The following NR3C1 variants were observed in gnomAD, a reference collection of about 807,000 sequenced individuals.
NR3C1 encodes the protein nuclear receptor subfamily 3 group C member 1, also known as glucocorticoid receptor.
NR3C1 carries 14 observed loss-of-function variants against 74.0 expected under a neutral mutation model. The ratio of observed to expected loss-of-function variants is 0.19; its 90% CI spans 0.12 to 0.30. The LOEUF is 0.30. Ranked by LOEUF, NR3C1 falls within the 10% of genes least tolerant of loss-of-function variation. The pLI is 1.00. For missense variants in NR3C1, 695 were observed against 909.8 expected (o/e 0.76, Z 3.04); for synonymous variants, 308 against 332.5 (o/e 0.93, Z 0.80).
intron 1 of NR3C1, among the ~76,000 whole-genome samples, chr5:143,422,987 G>T (rs1332961525): frequency 6.6e-6 from 1 of 151,832 alleles, no homozygotes; most frequent in African/African-American, 2.4e-5. Context: ...TATTCTAGTG[G>T]TTTCATACTT....
chr5:143,340,476 ATTTTTT>A lies in NR3C1; in HGVS notation c.1185-26314_1185-26309del, dbSNP rs3074500. 2.0e-3 allele frequency among the ~76,000 whole-genome samples: 177 copies of A among 89,160 alleles called. 1 individual carries two copies. The highest frequency in any genetic ancestry group is 7.3e-3 in the African/African-American group (160 of 22,030). 58.5% of individuals were successfully genotyped at this position (89,160 alleles called of 152,430 possible). On this transcript the variant is annotated intron_variant, in intron 2 of 8. Transcript: ENST00000394464. Reference sequence around the variant, plus strand: ...AGGGTTAGTTATCTCTTTAAAGATGATTTTTTTTTTTTTTTTTTTTTTTTGAGACAG... The same window carrying A: ...AGGGTTAGTTATCTCTTTAAAGATGATTTTTTTTTTTTTTTTTTGAGACAG...
chr5:143,402,535 A>G, intron 1 of NR3C1: 1 of 945,232 alleles, frequency 1.1e-6, no homozygotes, highest in Non-Finnish European at 1.3e-6. Context: ...GCTAAAGAGC[A>G]AGCCCTTGCG....
intron 2 of NR3C1, among the ~76,000 whole-genome samples, chr5:143,329,421 T>C (rs1287988475): frequency 2.6e-5 from 4 of 152,146 alleles, no homozygotes; most frequent in African/African-American, 7.2e-5. Context: ...ATCCTGAAAG[T>C]AGGTATCTCT....
intron 4 of NR3C1, among the ~76,000 whole-genome samples, chr5:143,309,123 G>A (rs1362479010): frequency 6.6e-6 from 1 of 150,436 alleles, no homozygotes; most frequent in Admixed American, 6.6e-5. Flanking sequence ...CGCCAAGCTG[G>A]AGTACAGTGG....
intron 4 of NR3C1, 39 bp downstream of exon 4, chr5:143,310,058 C>T: frequency 1.4e-6 from 2 of 1,430,718 alleles, no homozygotes; most frequent in Non-Finnish European, 2.0e-6. Flanking sequence ...TTTTTATAAG[C>T]TACAGAGACA....
At chr5:143,289,961 G>A (rs186286872) in intron 7 of NR3C1, among the ~76,000 whole-genome samples, 38 of 152,166 alleles carry the variant, frequency 2.5e-4, no homozygotes, top group Non-Finnish European at 5.1e-4. Flanking sequence ...CCTCAGTATT[G>A]ACCCAAGAGA....
chr5:143,405,407 G>A, upstream of NR3C1: 1 of 960,224 alleles, frequency 1.0e-6, no homozygotes, highest in African/African-American at 1.8e-5. Context: ...AGCGCGTCCC[G>A]GAAGCCGCCC....
chr5:143,374,275 G>A (rs564778272), intron 2 of NR3C1, among the ~76,000 whole-genome samples: 4 of 152,062 alleles, frequency 2.6e-5, no homozygotes, highest in Non-Finnish European at 5.9e-5. Flanking sequence ...GGTGGATCAC[G>A]AGGTCAGGAG....
chr5:143,388,747 G>A (rs1837717224), intron 2 of NR3C1, among the ~76,000 whole-genome samples: 2 of 152,202 alleles, frequency 1.3e-5, no homozygotes, highest in African/African-American at 2.4e-5. Flanking sequence ...GGGGAGCCCA[G>A]AAAGAGGATT....
rs148967394 is a variant in NR3C1 at position 143,400,710 on chromosome 5, A to G, written c.130T>C (p.Ser44Pro). 3.1e-6 allele frequency: 5 copies of G among 1,614,074 alleles called. No individual in the cohort carries two copies. Among genetic ancestry groups the G allele is most frequent in the Middle Eastern group, 1.6e-4 (1 of 6,084 alleles). The change falls in exon 2 of 9, where the codon TCT (serine) becomes CCT (proline). Residue 44 changes from serine to proline, a missense_variant. Physicochemically the swap from Ser to Pro is moderately conservative, Grantham distance 74 (BLOSUM62 -1). Transcript: ENST00000394464. ...GAAGCGACAGCCAGTGAGGGTGAAG[A>G]CGCAGAAACCTTCACAGTAGCTCCT... The part of the protein sequence containing the change: ...RGGATVKVSA[S>P]SPSLAVASQS...
intron 2 of NR3C1, among the ~76,000 whole-genome samples, chr5:143,318,716 G>C (rs909763694): frequency 1.3e-5 from 2 of 151,858 alleles, no homozygotes; most frequent in Non-Finnish European, 2.9e-5. Context: ...ATCTCTCATG[G>C]TACTCCATGA....
At chr5:143,329,624 G>A (rs1361457362) in intron 2 of NR3C1, among the ~76,000 whole-genome samples, 1 of 152,084 alleles carries the variant, frequency 6.6e-6, no homozygotes, top group Non-Finnish European at 1.5e-5. Flanking sequence ...GATTAAGATA[G>A]ATTAAATTAG....
intron 2 of NR3C1, among the ~76,000 whole-genome samples, chr5:143,341,634 A>G (rs1272526370): frequency 1.3e-5 from 2 of 152,242 alleles, no homozygotes; most frequent in African/African-American, 4.8e-5. Flanking sequence ...AATTAGTATT[A>G]GCATATTTTT....
chr5:143,365,159 C>T (rs189497651), intron 2 of NR3C1, among the ~76,000 whole-genome samples: 1 of 152,106 alleles, frequency 6.6e-6, no homozygotes, highest in African/African-American at 2.4e-5. Flanking sequence ...AATTTAAGAA[C>T]AAGAGACACA....
At chr5:143,397,373 T>C (rs1000993755) in intron 2 of NR3C1, among the ~76,000 whole-genome samples, 4 of 151,892 alleles carry the variant, frequency 2.6e-5, no homozygotes, top group African/African-American at 7.2e-5. Context: ...TCACTGGTCA[T>C]AGCAAATGTT....
At chr5:143,293,784 A>G in intron 7 of NR3C1, 1 of 665,124 alleles carries the variant, frequency 1.5e-6, no homozygotes. Context: ...ATTTTTTAAC[A>G]AGAAGAACTC....
intron 2 of NR3C1, among the ~76,000 whole-genome samples, chr5:143,390,605 T>C (rs1838058909): frequency 6.6e-6 from 1 of 152,182 alleles, no homozygotes; most frequent in Non-Finnish European, 1.5e-5. Context: ...ATATATAAAC[T>C]GTTATCATAA....
intron 2 of NR3C1, among the ~76,000 whole-genome samples, chr5:143,351,716 TCTCAG>T (rs1263784127): frequency 6.6e-6 from 1 of 152,354 alleles, no homozygotes; most frequent in Non-Finnish European, 1.5e-5. Context: ...TATTTTATAT[TCTCAG>T]CTAAGTAAAA....
chr5:143,363,549 G>A (rs1217075496), intron 2 of NR3C1, among the ~76,000 whole-genome samples: 11 of 150,708 alleles, frequency 7.3e-5, no homozygotes, highest in Admixed American at 2.0e-4. Flanking sequence ...CTCCAGCCTG[G>A]GTGACAGAGC....
Sources: gnomAD v4.1 joint callset for allele counts (sites outside exome capture counted in the v4.1 genomes callset) on GRCh38, gnomAD v4.1.1 for gene constraint, MANE v1.5 for transcripts, NCBI Gene and HGNC (gene_info 2026-07-23, HGNC 2026-07-21) for gene names.